DLGAP1: variants seen among roughly 807,000 people sequenced by gnomAD.
The protein encoded by DLGAP1 is DLG associated protein 1, also known as disks large-associated protein 1.
A neutral mutation model predicts 90.8 loss-of-function variants in DLGAP1; 11 were observed. The ratio of observed to expected loss-of-function variants is 0.12; its 90% confidence interval spans 0.08 to 0.20. The LOEUF (loss-of-function observed/expected upper bound fraction) is 0.20. DLGAP1 is among the 10% of genes least tolerant of loss of function. The pLI is 1.00. For synonymous variants in DLGAP1, 558 were observed against 540.7 expected (o/e 1.03, Z -0.44); for missense variants, 1,050 against 1,333.8 (o/e 0.79, Z 3.31).
intron 3 of DLGAP1, among the ~76,000 whole-genome samples, chr18:3,909,080 T>C (rs56315510): frequency 0.011 from 1,612 of 152,292 alleles, 27 homozygotes; most frequent in African/African-American, 0.036. Context: ...TTTCTCTACA[T>C]TGGAAAATCT....
chr18:4,257,442 G>C (rs2078912011), intron 1 of DLGAP1, among the ~76,000 whole-genome samples: 1 of 152,076 alleles, frequency 6.6e-6, no homozygotes, highest in East Asian at 1.9e-4. Flanking sequence ...TGGCTAAATA[G>C]GGTTAAATAA....
At chr18:3,555,725 G>A (rs1259227705) in intron 9 of DLGAP1, among the ~76,000 whole-genome samples, 4 of 152,006 alleles carry the variant, frequency 2.6e-5, no homozygotes, top group African/African-American at 7.3e-5. Context: ...CAGGAGAATC[G>A]CTTGAACCCA....
intron 2 of DLGAP1, among the ~76,000 whole-genome samples, chr18:4,042,141 C>A (rs960898809): frequency 1.3e-5 from 2 of 152,104 alleles, no homozygotes; most frequent in African/African-American, 4.8e-5. Context: ...TAGAGAGTTA[C>A]CATTCTTCCC....
chr18:3,981,475 T>G (rs574883947), intron 3 of DLGAP1, among the ~76,000 whole-genome samples: 108 of 151,984 alleles, frequency 7.1e-4, no homozygotes, highest in African/African-American at 2.6e-3. Context: ...GGTGAGGGAG[T>G]TAAAAGGTTG....
At chr18:3,871,035 T>C (rs2070720250) in intron 4 of DLGAP1, among the ~76,000 whole-genome samples, 1 of 152,228 alleles carries the variant, frequency 6.6e-6, no homozygotes, top group African/African-American at 2.4e-5. Flanking sequence ...CTTCTCCCTT[T>C]GCTTCCCTGT....
chr18:3,730,211 C>A (rs367688777), intron 6 of DLGAP1, among the ~76,000 whole-genome samples: 1 of 152,110 alleles, frequency 6.6e-6, no homozygotes, highest in Non-Finnish European at 1.5e-5. Context: ...CCTGATTGCA[C>A]CACTGCATTC....
intron 3 of DLGAP1, among the ~76,000 whole-genome samples, chr18:3,950,271 G>A (rs1018971565): frequency 1.3e-5 from 2 of 152,182 alleles, no homozygotes; most frequent in African/African-American, 4.8e-5. Context: ...TAAGGAATAT[G>A]TTCACACACA....
At chr18:3,569,662 C>T (rs1366967408) in intron 8 of DLGAP1, among the ~76,000 whole-genome samples, 1 of 151,868 alleles carries the variant, frequency 6.6e-6, no homozygotes, top group Non-Finnish European at 1.5e-5. Context: ...ATGTTTCTGT[C>T]AAAGACACAT....
At position 3,526,159 on chromosome 18, in the gene DLGAP1, G is replaced by A. The variant is rs563274200; in HGVS notation, c.2479+8035C>T. 3.9e-5 allele frequency among the ~76,000 whole-genome samples: 6 copies of A among 152,298 alleles called. No homozygotes were observed. Among genetic ancestry groups the A allele is most frequent in the Admixed American group, 2.0e-4 (3 of 15,294 alleles). ...GGGAGGGACCTTTTGAGGGTTCATTGCAAGAGTTAGATGAGAATAAAACAG... is the reference window on the plus strand; with the variant it reads ...GGGAGGGACCTTTTGAGGGTTCATTACAAGAGTTAGATGAGAATAAAACAG... On this transcript the variant is annotated intron_variant, in intron 10 of 12. Coordinates refer to ENST00000315677, the MANE Select transcript of DLGAP1 (RefSeq NM_004746.4). This position sits in a 1 kb window ranked among gnomAD's most constrained non-coding sequence, Gnocchi z 4.7.
At chr18:3,626,594 T>TTGA (rs34579551) in intron 7 of DLGAP1, among the ~76,000 whole-genome samples, 2 of 130,552 alleles carry the variant, frequency 1.5e-5, no homozygotes, top group Non-Finnish European at 3.3e-5. Context: ...AAGAACCTGT[T>TTGA]AAAAAAAAAA....
intron 5 of DLGAP1, among the ~76,000 whole-genome samples, chr18:3,808,263 T>C (rs1253518543): frequency 2.6e-5 from 4 of 152,154 alleles, no homozygotes; most frequent in African/African-American, 9.7e-5. Flanking sequence ...TATTGGAAAG[T>C]GGGAGTGGGG....
At chr18:4,357,816 C>CA (rs2081554634) in intron 1 of DLGAP1, among the ~76,000 whole-genome samples, 1 of 152,202 alleles carries the variant, frequency 6.6e-6, no homozygotes, top group African/African-American at 2.4e-5. Context: ...GGCCTATGTA[C>CA]CACCTTAGTC....
At chr18:4,036,363 C>T (rs1458958852) in intron 2 of DLGAP1, among the ~76,000 whole-genome samples, 1 of 152,186 alleles carries the variant, frequency 6.6e-6, no homozygotes, top group Non-Finnish European at 1.5e-5. Flanking sequence ...AAAACTCTTA[C>T]ATTTAAAATG....
intron 2 of DLGAP1, among the ~76,000 whole-genome samples, chr18:4,036,862 T>C (rs1598281521): frequency 6.6e-6 from 1 of 152,192 alleles, no homozygotes; most frequent in Admixed American, 6.5e-5. Flanking sequence ...AAGTATTCAA[T>C]AAACAAAAAT....
chr18:4,357,090 CGTGTGT>C (rs5822808), intron 1 of DLGAP1, among the ~76,000 whole-genome samples: 5 of 144,020 alleles, frequency 3.5e-5, no homozygotes, highest in Admixed American at 7.0e-5. Flanking sequence ...TATACGTGTG[CGTGTGT>C]GTGTGTGTGT....
At chr18:3,557,609 G>A (rs932793409) in intron 9 of DLGAP1, among the ~76,000 whole-genome samples, 52 of 152,148 alleles carry the variant, frequency 3.4e-4, no homozygotes, top group African/African-American at 1.2e-3. Flanking sequence ...AAAGTGTGCT[G>A]TTAAATCTCA....
In DLGAP1 at chr18:3,554,109, A is replaced by G. The variant is rs539102076; in HGVS notation, c.2057+13381T>C. 2.0e-5 allele frequency among the ~76,000 whole-genome samples: 3 copies of G among 152,208 alleles called. No homozygotes were observed. In the South Asian group the frequency reaches 6.2e-4, roughly 32 times the overall value. On this transcript the variant is annotated intron_variant, in intron 9 of 12. Coordinates refer to ENST00000315677, the MANE Select transcript of DLGAP1 (RefSeq NM_004746.4). ...AGCTTTCTCACCTAAGTCAACAGAA[A>G]GGATTGGCTTACTAGATTTGCTAAT...
At chr18:3,502,771 G>A (rs1018204041) in intron 11 of DLGAP1, 126 bp from the exon 12 acceptor site, 20 of 1,026,140 alleles carry the variant, frequency 1.9e-5, no homozygotes, top group East Asian at 1.5e-4. Flanking sequence ...TTTCCGACAC[G>A]AGGTAAAAGT....
intron 1 of DLGAP1, among the ~76,000 whole-genome samples, chr18:4,267,463 T>C (rs149852353): frequency 1.2e-3 from 178 of 152,312 alleles, no homozygotes; most frequent in African/African-American, 4.1e-3. Flanking sequence ...TAATGGGAAG[T>C]TTCTCCCCAC....
Sources: allele counts gnomAD v4.1 joint callset (sites outside exome capture counted in the v4.1 genomes callset), GRCh38; gene constraint gnomAD v4.1.1; non-coding constraint Gnocchi (gnomAD v3.1); transcripts MANE v1.5; gene names NCBI Gene and HGNC (gene_info 2026-07-23, HGNC 2026-07-21).